MTHFD2L: variants seen among roughly 807,000 people sequenced by gnomAD.
MTHFD2L encodes the protein bifunctional methylenetetrahydrofolate dehydrogenase/cyclohydrolase 2, mitochondrial.
In MTHFD2L, 29 loss-of-function variants were observed where a neutral mutation model predicts 34.9. That is an observed-to-expected ratio of 0.83 (90% CI 0.62 to 1.13). The LOEUF is 1.13. Among genes scored for constraint, MTHFD2L ranks in the 50% most tolerant of loss-of-function variants. The probability of loss-of-function intolerance (pLI) is 0.00; values close to 1 mark genes in which losing one functional copy is unlikely to be tolerated. For synonymous variants in MTHFD2L, 167 were observed against 155.7 expected (o/e 1.07, Z -0.54); for missense variants, 481 against 446.5 (o/e 1.08, Z -0.70).
chr4:74,191,148 A>G (rs905638783), intron 3 of MTHFD2L, among the ~76,000 whole-genome samples: 1 of 151,998 alleles, frequency 6.6e-6, no homozygotes, highest in African/African-American at 2.4e-5. Flanking sequence ...TGATCCTTCA[A>G]CCTCAGCCTC....
At chr4:74,204,472 A>T (rs1734969163) in intron 5 of MTHFD2L, among the ~76,000 whole-genome samples, 1 of 151,942 alleles carries the variant, frequency 6.6e-6, no homozygotes, top group Non-Finnish European at 1.5e-5. Context: ...CTTTATTTGG[A>T]TTTTATTTTC....
chr4:74,159,525 C>G (rs555779410), intron 1 of MTHFD2L, among the ~76,000 whole-genome samples: 1 of 152,264 alleles, frequency 6.6e-6, no homozygotes, highest in African/African-American at 2.4e-5. Flanking sequence ...TCAAATAGTA[C>G]AACTTGATTA....
intron 6 of MTHFD2L, among the ~76,000 whole-genome samples, chr4:74,249,677 TG>T (rs1490913999): frequency 6.6e-6 from 1 of 152,202 alleles, no homozygotes; most frequent in Non-Finnish European, 1.5e-5. Flanking sequence ...GCAGGCCTGG[TG>T]GTGACAAAAT....
intron 6 of MTHFD2L, chr4:74,268,091 T>C: frequency 2.0e-6 from 2 of 985,052 alleles, no homozygotes; most frequent in Non-Finnish European, 2.4e-6. Flanking sequence ...GGAAATGTTC[T>C]GTGGTCACTG....
intron 7 of MTHFD2L, among the ~76,000 whole-genome samples, chr4:74,286,042 GTT>G (rs1489265688): frequency 6.6e-6 from 1 of 152,090 alleles, no homozygotes; most frequent in African/African-American, 2.4e-5. Context: ...CTCTCTGGAT[GTT>G]TTGGGAAATA....
chr4:74,259,392 C>G (rs1472186833), intron 6 of MTHFD2L, among the ~76,000 whole-genome samples: 1 of 152,102 alleles, frequency 6.6e-6, no homozygotes, highest in Non-Finnish European at 1.5e-5. Flanking sequence ...AAGACAGAAG[C>G]TGGGAAGACC....
upstream of MTHFD2L, among the ~76,000 whole-genome samples, chr4:74,124,103 C>T (rs933271858): frequency 3.3e-5 from 5 of 151,910 alleles, no homozygotes; most frequent in African/African-American, 7.2e-5. Context: ...TAGGTAACCA[C>T]GTATTTTTAC....
intron 1 of MTHFD2L, among the ~76,000 whole-genome samples, chr4:74,147,335 C>T (rs1016895990): frequency 1.3e-5 from 2 of 152,142 alleles, no homozygotes; most frequent in Non-Finnish European, 2.9e-5. Flanking sequence ...AGCCCTGCTC[C>T]TGTCTAATAG....
At chr4:74,292,240 CT>C (rs1280679515) in intron 7 of MTHFD2L, among the ~76,000 whole-genome samples, 1 of 152,180 alleles carries the variant, frequency 6.6e-6, no homozygotes, top group Non-Finnish European at 1.5e-5. Context: ...CTAGAGACTT[CT>C]ATTTAGTAGA....
intron 3 of MTHFD2L, chr4:74,180,581 G>A: frequency 3.5e-6 from 1 of 288,744 alleles, no homozygotes; most frequent in Middle Eastern, 4.5e-4. Flanking sequence ...AATGTGCAGG[G>A]AGTTTCCATG....
intron 6 of MTHFD2L, among the ~76,000 whole-genome samples, chr4:74,234,065 G>A (rs1740489863): frequency 6.6e-6 from 1 of 151,884 alleles, no homozygotes; most frequent in South Asian, 2.1e-4. Context: ...AGACTTCCTT[G>A]GAAATATACT....
At chr4:74,250,511 C>T (rs1743155225) in intron 6 of MTHFD2L, among the ~76,000 whole-genome samples, 1 of 152,140 alleles carries the variant, frequency 6.6e-6, no homozygotes, top group African/African-American at 2.4e-5. Flanking sequence ...TCCCTCACAC[C>T]TACTATACCA....
upstream of MTHFD2L, chr4:74,158,031 C>A (rs1214503382): frequency 6.7e-7 from 1 of 1,484,178 alleles, no homozygotes; most frequent in Non-Finnish European, 9.1e-7. Flanking sequence ...CTGGGAAGCG[C>A]TACTTGCTGC....
At chr4:74,267,094 A>G in intron 6 of MTHFD2L, 3 of 985,306 alleles carry the variant, frequency 3.0e-6, no homozygotes, top group Non-Finnish European at 3.6e-6. Context: ...TGAGCTTGGT[A>G]AACAATTTTC....
intron 7 of MTHFD2L, among the ~76,000 whole-genome samples, chr4:74,299,700 C>A (rs2110334183): frequency 6.6e-6 from 1 of 152,098 alleles, no homozygotes; most frequent in South Asian, 2.1e-4. Context: ...AATTTAAGTT[C>A]ACTTTCTCAA....
At chr4:74,165,124 A>T (rs1318297593) in intron 1 of MTHFD2L, 1 of 263,874 alleles carries the variant, frequency 3.8e-6, no homozygotes, top group African/African-American at 2.3e-5. Flanking sequence ...TGGAATATCT[A>T]TTGGCTTACA....
chr4:74,153,326 A>G (rs1463574930), upstream of MTHFD2L, among the ~76,000 whole-genome samples: 1 of 152,220 alleles, frequency 6.6e-6, no homozygotes, highest in Non-Finnish European at 1.5e-5. Flanking sequence ...AGCCTATTAA[A>G]TAAGATGCCC....
upstream of MTHFD2L, chr4:74,157,781 G>A: frequency 2.0e-6 from 1 of 491,894 alleles, no homozygotes; most frequent in Non-Finnish European, 4.0e-6. Context: ...TGGAAAGTGG[G>A]GCGTGCTGCC....
intron 1 of MTHFD2L, chr4:74,160,612 A>C (rs983044320): frequency 2.0e-5 from 3 of 152,330 alleles, no homozygotes; most frequent in African/African-American, 4.8e-5. Context: ...TAAAGTAATA[A>C]ATAAGCCCTT....
Sources: gnomAD v4.1 joint callset for allele counts (sites outside exome capture counted in the v4.1 genomes callset) on GRCh38, gnomAD v4.1.1 for gene constraint, MANE v1.5 for transcripts, NCBI Gene and HGNC (gene_info 2026-07-23, HGNC 2026-07-21) for gene names.